The following SORCS1 variants were observed in gnomAD, a reference collection of about 807,000 sequenced individuals.
SORCS1 encodes the protein sortilin related VPS10 domain containing receptor 1.
Under a neutral mutation model 146.1 loss-of-function variants are expected in SORCS1, and 60 were observed. The observed-to-expected ratio is 0.41, with a 90% CI of 0.33 to 0.51. The LOEUF (loss-of-function observed/expected upper bound fraction) is 0.51, where lower values mean the gene tolerates loss of function less well. Ranked by LOEUF, SORCS1 falls within the 20% of genes least tolerant of loss-of-function variation. SORCS1 has a pLI of 0.21. For missense variants in SORCS1, 1,352 were observed against 1,487.6 expected (o/e 0.91, Z 1.50); for synonymous variants, 637 against 584.0 (o/e 1.09, Z -1.31).
At chr10:107,179,486 T>G in the SORCS1 span, among the ~76,000 whole-genome samples, 1 of 152,222 alleles carries the variant, frequency 6.6e-6, no homozygotes, top group African/African-American at 2.4e-5. Flanking sequence ...TATAAACCTC[T>G]TGAGAATGGC....
intron 1 of SORCS1, among the ~76,000 whole-genome samples, chr10:107,095,769 G>C (rs1359256532): frequency 6.6e-6 from 1 of 151,920 alleles, no homozygotes; most frequent in Non-Finnish European, 1.5e-5. Flanking sequence ...GCTAAGTATA[G>C]GGCAGAAATC....
intron 2 of SORCS1, among the ~76,000 whole-genome samples, chr10:106,867,126 CACAT>C (rs1950248279): frequency 6.6e-6 from 1 of 152,124 alleles, no homozygotes; most frequent in Admixed American, 6.6e-5. Flanking sequence ...ATCCACAAAA[CACAT>C]AATCATCAGA....
intron 19 of SORCS1, among the ~76,000 whole-genome samples, chr10:106,622,978 TGC>T (rs1847851445): frequency 6.6e-6 from 1 of 152,234 alleles, no homozygotes. Context: ...TTTCATTTAT[TGC>T]ACAAGTCTTG....
intron 1 of SORCS1, among the ~76,000 whole-genome samples, chr10:107,102,916 A>G (rs1210632979): frequency 1.3e-5 from 2 of 152,184 alleles, no homozygotes; most frequent in African/African-American, 4.8e-5. Flanking sequence ...AGTCACAAAA[A>G]TTGCTGTAAT....
intron 1 of SORCS1, among the ~76,000 whole-genome samples, chr10:107,128,386 ACAGTCG>A (rs1310845179): frequency 1.3e-5 from 2 of 152,186 alleles, no homozygotes; most frequent in Non-Finnish European, 2.9e-5. Context: ...GTGACCTTTC[ACAGTCG>A]CTGGGCAAGG....
At chr10:107,145,703 T>C (rs1355509277) in intron 1 of SORCS1, among the ~76,000 whole-genome samples, 2 of 152,196 alleles carry the variant, frequency 1.3e-5, no homozygotes, top group African/African-American at 4.8e-5. Context: ...TTTGTTCCAA[T>C]TGAATTCAGG....
At chr10:107,003,634 GT>G (rs1957312765) in intron 1 of SORCS1, among the ~76,000 whole-genome samples, 1 of 152,066 alleles carries the variant, frequency 6.6e-6, no homozygotes, top group Non-Finnish European at 1.5e-5. Flanking sequence ...TCATCATGTT[GT>G]ACTGTAATCC....
intron 17 of SORCS1, among the ~76,000 whole-genome samples, chr10:106,654,252 A>G (rs553153442): frequency 1.8e-4 from 27 of 152,320 alleles, no homozygotes; most frequent in African/African-American, 6.0e-4. Flanking sequence ...TAACTCATTT[A>G]TCTTCAGAAG....
chr10:106,790,280 T>G (rs2136505412), intron 3 of SORCS1, among the ~76,000 whole-genome samples: 1 of 152,302 alleles, frequency 6.6e-6, no homozygotes, highest in South Asian at 2.1e-4. Flanking sequence ...ATCAGAGGTT[T>G]GTTCTAGGTC....
intron 1 of SORCS1, among the ~76,000 whole-genome samples, chr10:107,111,975 T>C (rs1318747798): frequency 6.6e-6 from 1 of 152,122 alleles, no homozygotes; most frequent in Non-Finnish European, 1.5e-5. Context: ...ACTCAGCAAC[T>C]GTAATGCTAA....
At chr10:107,013,795 C>A (rs888141615) in intron 1 of SORCS1, among the ~76,000 whole-genome samples, 10 of 152,108 alleles carry the variant, frequency 6.6e-5, no homozygotes, top group Non-Finnish European at 1.5e-5. Context: ...GGATACAGAA[C>A]CAGGTTGTTG....
At chr10:106,673,290 C>A (rs187427634) in intron 14 of SORCS1, among the ~76,000 whole-genome samples, 1 of 152,146 alleles carries the variant, frequency 6.6e-6, no homozygotes, top group East Asian at 1.9e-4. Flanking sequence ...AGCCACCACA[C>A]CAAGCTAATT....
chr10:106,756,012 T>C (rs890332175), intron 5 of SORCS1, among the ~76,000 whole-genome samples: 3 of 151,628 alleles, frequency 2.0e-5, no homozygotes, highest in Non-Finnish European at 4.4e-5. Flanking sequence ...GCCTGTAGTC[T>C]CAACTACTCA....
chr10:106,697,344 T>G (rs1198230196), intron 9 of SORCS1, among the ~76,000 whole-genome samples: 1 of 151,836 alleles, frequency 6.6e-6, no homozygotes, highest in Non-Finnish European at 1.5e-5. Context: ...GAGTCCCAGC[T>G]ACTCGGGAGG....
At chr10:107,053,122 T>C (rs993785009) in intron 1 of SORCS1, among the ~76,000 whole-genome samples, 1 of 152,164 alleles carries the variant, frequency 6.6e-6, no homozygotes, top group Non-Finnish European at 1.5e-5. Context: ...TTCCCTCGCT[T>C]ATAGCCACTC....
At chr10:106,924,108 G>T (rs1411456670) in intron 2 of SORCS1, among the ~76,000 whole-genome samples, 2 of 152,088 alleles carry the variant, frequency 1.3e-5, no homozygotes, top group African/African-American at 4.8e-5. Context: ...TATAAAATTA[G>T]TCGGGCGTGG....
chr10:107,000,055 C>T (rs1957153571), intron 1 of SORCS1, among the ~76,000 whole-genome samples: 1 of 152,130 alleles, frequency 6.6e-6, no homozygotes, highest in Non-Finnish European at 1.5e-5. Context: ...GGAGAACTCA[C>T]CTATGATAGG....
intron 18 of SORCS1, among the ~76,000 whole-genome samples, chr10:106,648,255 T>C (rs939647872): frequency 6.6e-6 from 1 of 152,194 alleles, no homozygotes; most frequent in African/African-American, 2.4e-5. Flanking sequence ...CCTTTTAAAG[T>C]TACTGTAATT....
intron 2 of SORCS1, among the ~76,000 whole-genome samples, chr10:106,917,904 A>C (rs1952521890): frequency 6.6e-6 from 1 of 152,162 alleles, no homozygotes; most frequent in Non-Finnish European, 1.5e-5. Flanking sequence ...AACTGATGCC[A>C]ATTTGGCCAG....
Sources: gnomAD v4.1 joint callset for allele counts (sites outside exome capture counted in the v4.1 genomes callset) on GRCh38, gnomAD v4.1.1 for gene constraint, MANE v1.5 for transcripts, NCBI Gene and HGNC (gene_info 2026-07-23, HGNC 2026-07-21) for gene names.